Variants in SCHIP1 observed in about 807,000 individuals in gnomAD.
The protein encoded by SCHIP1 is schwannomin interacting protein 1, also known as schwannomin-interacting protein 1.
Under a neutral mutation model 29.7 loss-of-function variants are expected in SCHIP1, and 8 were observed. The observed-to-expected ratio is 0.27, with a 90% CI of 0.16 to 0.49. The LOEUF is 0.49. Among genes scored for constraint, SCHIP1 ranks in the 20% least tolerant of loss-of-function variants. The pLI is 0.99. For synonymous variants in SCHIP1, 76 were observed against 94.9 expected, an observed-to-expected ratio of 0.80 and a Z score of 1.16; for missense variants, 193 against 294.6, an observed-to-expected ratio of 0.66 and a Z score of 2.52.
At chr3:159,313,955 T>C in the SCHIP1 span, among the ~76,000 whole-genome samples, 2 of 152,216 alleles carry the variant, frequency 1.3e-5, no homozygotes, top group African/African-American at 4.8e-5. Flanking sequence ...ACCACAGAGG[T>C]AAAGTGCGTG....
chr3:159,837,893 C>T (rs1305410576), upstream of SCHIP1, among the ~76,000 whole-genome samples: 1 of 152,156 alleles, frequency 6.6e-6, no homozygotes, highest in Non-Finnish European at 1.5e-5. Context: ...TCATTCCCTA[C>T]CCCCAGGCTT....
the SCHIP1 span, among the ~76,000 whole-genome samples, chr3:159,543,373 C>T: frequency 1.7e-5 from 2 of 116,512 alleles, no homozygotes; most frequent in Admixed American, 1.7e-4. Flanking sequence ...CCCCTCCCCC[C>T]ACCCCACAAC....
At chr3:159,436,447 G>T in the SCHIP1 span, among the ~76,000 whole-genome samples, 4 of 152,148 alleles carry the variant, frequency 2.6e-5, no homozygotes, top group African/African-American at 7.2e-5. Context: ...CAGAGAATTT[G>T]TCTCCATATA....
At chr3:159,617,305 T>C in the SCHIP1 span, among the ~76,000 whole-genome samples, 3 of 152,322 alleles carry the variant, frequency 2.0e-5, no homozygotes, top group African/African-American at 7.2e-5. Context: ...AAGGTCTCTT[T>C]CTGATCTTTC....
At chr3:159,802,507 TG>T in the SCHIP1 span, among the ~76,000 whole-genome samples, 1 of 152,232 alleles carries the variant, frequency 6.6e-6, no homozygotes, top group African/African-American at 2.4e-5. Flanking sequence ...TAGGGTTTTC[TG>T]TAAAATAAAC....
the SCHIP1 span, among the ~76,000 whole-genome samples, chr3:159,301,660 G>A: frequency 1.3e-5 from 2 of 152,072 alleles, no homozygotes; most frequent in Admixed American, 6.6e-5. Context: ...GAGATCTGAT[G>A]GTTTAAAAGT....
chr3:159,574,332 C>A, the SCHIP1 span, among the ~76,000 whole-genome samples: 1 of 152,112 alleles, frequency 6.6e-6, no homozygotes, highest in African/African-American at 2.4e-5. Context: ...TGATGCTATT[C>A]CTTTCTGTTA....
chr3:159,532,629 C>G, the SCHIP1 span, among the ~76,000 whole-genome samples: 2 of 152,104 alleles, frequency 1.3e-5, no homozygotes, highest in African/African-American at 4.8e-5. Flanking sequence ...CACAAAGCAA[C>G]AGATACACCA....
chr3:159,417,424 A>G, the SCHIP1 span, among the ~76,000 whole-genome samples: 1 of 152,242 alleles, frequency 6.6e-6, no homozygotes, highest in African/African-American at 2.4e-5. Context: ...CATGGTAAGC[A>G]TACGAATTAT....
At chr3:159,350,009 C>G in the SCHIP1 span, among the ~76,000 whole-genome samples, 1 of 152,126 alleles carries the variant, frequency 6.6e-6, no homozygotes, top group African/African-American at 2.4e-5. Flanking sequence ...GTAAATAATT[C>G]TATAAAATAG....
At chr3:159,811,982 T>G in the SCHIP1 span, among the ~76,000 whole-genome samples, 4 of 149,994 alleles carry the variant, frequency 2.7e-5, no homozygotes, top group African/African-American at 9.8e-5. Flanking sequence ...TTGTTTTTGT[T>G]TTTTTTTTTG....
chr3:159,323,503 T>C, the SCHIP1 span, among the ~76,000 whole-genome samples: 6 of 152,246 alleles, frequency 3.9e-5, no homozygotes, highest in Non-Finnish European at 8.8e-5. Context: ...TACCTTTTTC[T>C]TGTTAATAGT....
At chr3:159,504,730 A>AT in the SCHIP1 span, among the ~76,000 whole-genome samples, 12 of 151,876 alleles carry the variant, frequency 7.9e-5, no homozygotes, top group African/African-American at 2.7e-4. Context: ...ATTTTCAACA[A>AT]TTTTTTTTAC....
At chr3:159,535,110 A>G in the SCHIP1 span, among the ~76,000 whole-genome samples, 1 of 152,210 alleles carries the variant, frequency 6.6e-6, no homozygotes, top group Non-Finnish European at 1.5e-5. Context: ...CAGGATTCAT[A>G]GCTGAAACAG....
At chr3:159,663,805 G>A in the SCHIP1 span, among the ~76,000 whole-genome samples, 12 of 152,252 alleles carry the variant, frequency 7.9e-5, no homozygotes, top group Admixed American at 6.5e-4. Context: ...ATTGTAACAG[G>A]AGGGGTATAT....
chr3:159,477,841 A>T, the SCHIP1 span, among the ~76,000 whole-genome samples: 1 of 151,420 alleles, frequency 6.6e-6, no homozygotes, highest in Non-Finnish European at 1.5e-5. Context: ...ATATTCAAAA[A>T]ATTATTGCCT....
the SCHIP1 span, among the ~76,000 whole-genome samples, chr3:159,623,777 T>G: frequency 6.8e-6 from 1 of 146,116 alleles, no homozygotes; most frequent in Admixed American, 6.6e-5. Context: ...GCAGAGAGAA[T>G]GTAGTGTACC....
the SCHIP1 span, among the ~76,000 whole-genome samples, chr3:159,559,242 T>C: frequency 6.6e-6 from 1 of 152,224 alleles, no homozygotes; most frequent in South Asian, 2.1e-4. Context: ...GTCTCTAATT[T>C]GCATTCAAAG....
At chr3:159,576,654 G>C in the SCHIP1 span, among the ~76,000 whole-genome samples, 1 of 151,962 alleles carries the variant, frequency 6.6e-6, no homozygotes, top group Admixed American at 6.6e-5. Flanking sequence ...AAAAGTTTTA[G>C]TCTACCCTTT....
Sources: allele counts gnomAD v4.1 joint callset (sites outside exome capture counted in the v4.1 genomes callset), GRCh38; gene constraint gnomAD v4.1.1; transcripts MANE v1.5; gene names NCBI Gene and HGNC (gene_info 2026-07-23, HGNC 2026-07-21).